SUPT3H: variants seen among roughly 807,000 people sequenced by gnomAD.
SUPT3H encodes SPT3 homolog, SAGA and STAGA complex component, also known as transcription initiation protein SPT3 homolog.
A neutral mutation model predicts 44.3 loss-of-function variants in SUPT3H; 44 were observed. That is an observed-to-expected ratio of 0.99 (90% CI 0.78 to 1.28). SUPT3H has a LOEUF of 1.28. Among genes scored for constraint, SUPT3H ranks in the 50% most tolerant of loss-of-function variants. The probability of loss-of-function intolerance (pLI) is 0.00; values close to 1 mark genes in which losing one functional copy is unlikely to be tolerated. For missense variants in SUPT3H, 380 were observed against 387.1 expected, an observed-to-expected ratio of 0.98 and a Z score of 0.15; for synonymous variants, 124 against 125.6, an observed-to-expected ratio of 0.99 and a Z score of 0.09.
chr6:45,303,341 G>A (rs1782446724), intron 2 of SUPT3H, among the ~76,000 whole-genome samples: 1 of 152,132 alleles, frequency 6.6e-6, no homozygotes, highest in Non-Finnish European at 1.5e-5. Flanking sequence ...ACAACCCACA[G>A]AGTGGGAGAA....
intron 2 of SUPT3H, among the ~76,000 whole-genome samples, chr6:45,131,327 C>T (rs1439285130): frequency 6.6e-6 from 1 of 152,186 alleles, no homozygotes; most frequent in African/African-American, 2.4e-5. Context: ...GATTCACAAT[C>T]ACAGTCTACA....
chr6:45,374,480 G>A lies in SUPT3H; in HGVS notation c.-1+3288C>T, dbSNP rs77786707. Among the ~76,000 whole-genome samples the A allele has an allele frequency of 4.8e-4, 73 of 152,290 alleles. 1 individual carries two copies. The East Asian group carries it at 0.011, about 23-fold the overall frequency. ...TCACATGGTTAGGAAGCAGCAGAGC[G>A]AGAACTCAAATCAAGTGTTAGAGCC... On this transcript the variant is annotated intron_variant, in intron 1 of 10. Transcript: ENST00000371459.
At position 44,828,021 on chromosome 6, in the gene SUPT3H, G is replaced by A. The variant is rs995345917; in HGVS notation, c.*1795C>T. On this transcript the variant is annotated 3_prime_UTR_variant, in exon 11 of 11. Coordinates refer to ENST00000371459, the MANE Select transcript of SUPT3H (RefSeq NM_003599.4). ...ATAAGGAGATCAGGTGGAATAAAACGAAGGAAAAAAACCCAAACCCTATAT... is the reference window on the plus strand; with the variant it reads ...ATAAGGAGATCAGGTGGAATAAAACAAAGGAAAAAAACCCAAACCCTATAT... Among the ~76,000 whole-genome samples the A allele has an allele frequency of 1.3e-5, 2 of 151,874 alleles. No homozygotes were observed. The highest frequency in any genetic ancestry group is 2.4e-5 in the African/African-American group (1 of 41,386).
intron 2 of SUPT3H, among the ~76,000 whole-genome samples, chr6:45,352,053 C>T (rs1437141939): frequency 6.6e-6 from 1 of 152,186 alleles, no homozygotes; most frequent in Admixed American, 6.5e-5. Flanking sequence ...GCTGTCTTGC[C>T]TGCTTCCTTA....
chr6:45,297,819 G>C (rs910458783), intron 2 of SUPT3H, among the ~76,000 whole-genome samples: 1 of 152,122 alleles, frequency 6.6e-6, no homozygotes, highest in African/African-American at 2.4e-5. Context: ...TAGACATCCA[G>C]TATGTATTTA....
intron 10 of SUPT3H, among the ~76,000 whole-genome samples, chr6:44,910,593 T>C (rs1442300365): frequency 6.6e-6 from 1 of 152,128 alleles, no homozygotes; most frequent in African/African-American, 2.4e-5. Context: ...GAAAATATTA[T>C]CTAAAGAAAT....
At chr6:45,079,511 A>C (rs1795498789) in intron 3 of SUPT3H, among the ~76,000 whole-genome samples, 1 of 151,906 alleles carries the variant, frequency 6.6e-6, no homozygotes, top group Admixed American at 6.6e-5. Context: ...GAAGGAAGGA[A>C]AAAAACCTAG....
chr6:45,183,093 G>T (rs1047127510), intron 2 of SUPT3H, among the ~76,000 whole-genome samples: 1 of 152,138 alleles, frequency 6.6e-6, no homozygotes, highest in African/African-American at 2.4e-5. Flanking sequence ...AAAGGTGAAT[G>T]GATAAACGAA....
At chr6:45,146,306 G>A (rs1806061732) in intron 2 of SUPT3H, among the ~76,000 whole-genome samples, 1 of 151,970 alleles carries the variant, frequency 6.6e-6, no homozygotes, top group African/African-American at 2.4e-5. Context: ...GAAAATATAT[G>A]TATATACTAA....
chr6:45,285,534 A>G (rs1460338803), intron 2 of SUPT3H, among the ~76,000 whole-genome samples: 1 of 152,084 alleles, frequency 6.6e-6, no homozygotes, highest in Admixed American at 6.6e-5. Context: ...TCCAACTTAC[A>G]AGGGACGTGA....
At chr6:45,230,686 A>ATATATATTTTTTTTTTTTTT (rs796866510) in intron 2 of SUPT3H, among the ~76,000 whole-genome samples, 1 of 116,796 alleles carries the variant, frequency 8.6e-6, no homozygotes, top group South Asian at 3.1e-4. Flanking sequence ...ATATATATAT[A>ATATATATTTTTTTTTTTTTT]TTTTTGAGAT....
chr6:45,085,513 G>C (rs2153560310), intron 3 of SUPT3H, among the ~76,000 whole-genome samples: 1 of 152,026 alleles, frequency 6.6e-6, no homozygotes, highest in South Asian at 2.1e-4. Context: ...AACATATTTG[G>C]TACCTCATTT....
At chr6:44,998,906 T>C (rs963036794) in intron 6 of SUPT3H, among the ~76,000 whole-genome samples, 1 of 152,056 alleles carries the variant, frequency 6.6e-6, no homozygotes, top group East Asian at 1.9e-4. Context: ...GCTTCTCTTT[T>C]TAACAAAGCT....
chr6:45,180,740 T>C (rs1161915370), intron 2 of SUPT3H, among the ~76,000 whole-genome samples: 2 of 152,130 alleles, frequency 1.3e-5, no homozygotes, highest in Non-Finnish European at 2.9e-5. Context: ...AAGACTTAAA[T>C]GTTAGACCTA....
intron 9 of SUPT3H, among the ~76,000 whole-genome samples, chr6:44,948,150 T>C (rs1773649104): frequency 6.6e-6 from 1 of 152,208 alleles, no homozygotes; most frequent in African/African-American, 2.4e-5. Context: ...TTCTGTTCCA[T>C]TGGTGTATAT....
chr6:45,352,218 C>T (rs979448032), intron 2 of SUPT3H, among the ~76,000 whole-genome samples: 2 of 152,106 alleles, frequency 1.3e-5, no homozygotes, highest in Non-Finnish European at 2.9e-5. Flanking sequence ...TTACAAATAA[C>T]CTTTGATCGT....
chr6:45,137,965 A>G (rs1583769660), intron 2 of SUPT3H, among the ~76,000 whole-genome samples: 1 of 152,254 alleles, frequency 6.6e-6, no homozygotes, highest in East Asian at 1.9e-4. Flanking sequence ...TGAATATCAT[A>G]TATCTGAAGG....
intron 10 of SUPT3H, among the ~76,000 whole-genome samples, chr6:44,843,776 T>C (rs997574324): frequency 6.6e-6 from 1 of 152,012 alleles, no homozygotes; most frequent in African/African-American, 2.4e-5. Context: ...GAAGACAATA[T>C]TGTAAAGATA....
intron 2 of SUPT3H, among the ~76,000 whole-genome samples, chr6:45,242,526 C>A (rs962819393): frequency 6.6e-6 from 1 of 152,154 alleles, no homozygotes; most frequent in African/African-American, 2.4e-5. Context: ...TAAGTTCACA[C>A]CAGTCAGAGT....
Sources: gnomAD v4.1 joint callset for allele counts (sites outside exome capture counted in the v4.1 genomes callset) on GRCh38, gnomAD v4.1.1 for gene constraint, MANE v1.5 for transcripts, NCBI Gene and HGNC (gene_info 2026-07-23, HGNC 2026-07-21) for gene names.